Variants in SUCLG2 observed in about 807,000 individuals in gnomAD.
SUCLG2 encodes succinate-CoA ligase GDP-forming subunit beta.
In SUCLG2, 42 loss-of-function variants were observed where a neutral mutation model predicts 47.9. The observed-to-expected ratio is 0.88, with a 90% CI of 0.69 to 1.14. The LOEUF (loss-of-function observed/expected upper bound fraction) is 1.14, where lower values mean the gene tolerates loss of function less well. Ranked by LOEUF, SUCLG2 falls within the 50% of genes most tolerant of loss-of-function variation. The pLI, the probability that SUCLG2 is intolerant of heterozygous loss-of-function variation, is 0.00. For synonymous variants in SUCLG2, 195 were observed against 197.3 expected, an observed-to-expected ratio of 0.99 and a Z score of 0.10; for missense variants, 571 against 525.9, an observed-to-expected ratio of 1.09 and a Z score of -0.84.
At chr3:67,588,169 T>G (rs1467787549) in intron 2 of SUCLG2, among the ~76,000 whole-genome samples, 1 of 152,306 alleles carries the variant, frequency 6.6e-6, no homozygotes, top group East Asian at 1.9e-4. Flanking sequence ...ACACATCTGG[T>G]TACTGTTGAA....
intron 9 of SUCLG2, among the ~76,000 whole-genome samples, chr3:67,401,586 A>C (rs948192387): frequency 6.6e-6 from 1 of 152,024 alleles, no homozygotes; most frequent in Middle Eastern, 3.2e-3. Context: ...AAAAAAAAAA[A>C]AAAAACAAAC....
chr3:67,637,169 T>C (rs1249753689), intron 1 of SUCLG2, among the ~76,000 whole-genome samples: 1 of 152,134 alleles, frequency 6.6e-6, no homozygotes, highest in Non-Finnish European at 1.5e-5. Flanking sequence ...CTGAGTTTCT[T>C]CAATATGCCC....
chr3:67,416,822 G>C (rs1703049001), intron 9 of SUCLG2, among the ~76,000 whole-genome samples: 1 of 152,066 alleles, frequency 6.6e-6, no homozygotes, highest in Non-Finnish European at 1.5e-5. Context: ...ATAGACTATT[G>C]AAAATTATTA....
intron 2 of SUCLG2, among the ~76,000 whole-genome samples, chr3:67,565,904 A>G (rs1272169045): frequency 1.3e-5 from 2 of 152,260 alleles, no homozygotes; most frequent in Non-Finnish European, 2.9e-5. Context: ...CACTGCTCAA[A>G]TTGGAAATGT....
At chr3:67,511,465 G>A (rs546903008) in intron 6 of SUCLG2, among the ~76,000 whole-genome samples, 2 of 152,250 alleles carry the variant, frequency 1.3e-5, no homozygotes, top group South Asian at 4.1e-4. Flanking sequence ...TAGTGAGTAA[G>A]TCTCACGAGA....
At chr3:67,487,460 A>G (rs12630694) in intron 9 of SUCLG2, among the ~76,000 whole-genome samples, 7,753 of 151,542 alleles carry the variant, frequency 0.051, 353 homozygotes, top group East Asian at 0.23. Flanking sequence ...CTGATGACAT[A>G]AATAAAACTG....
chr3:67,508,998 C>G, intron 6 of SUCLG2, 95 bp from the exon 7 acceptor site: 1 of 864,994 alleles, frequency 1.2e-6, no homozygotes, highest in Non-Finnish European at 1.8e-6. Context: ...CAAGTTATGT[C>G]TTTATTTTCA....
chr3:67,593,800 T>A (rs547222519), intron 2 of SUCLG2, among the ~76,000 whole-genome samples: 93 of 152,306 alleles, frequency 6.1e-4, no homozygotes, highest in Middle Eastern at 6.8e-3. Context: ...GAACTTTTTA[T>A]AAGATAGATA....
At chr3:67,608,207 T>C (rs1175981539) in intron 2 of SUCLG2, among the ~76,000 whole-genome samples, 2 of 152,120 alleles carry the variant, frequency 1.3e-5, no homozygotes, top group African/African-American at 4.8e-5. Flanking sequence ...GCTCTCCCCA[T>C]GTTCTAAGGG....
chr3:67,594,686 C>T (rs1391266826), intron 2 of SUCLG2, among the ~76,000 whole-genome samples: 1 of 152,138 alleles, frequency 6.6e-6, no homozygotes, highest in African/African-American at 2.4e-5. Flanking sequence ...TTAGTGGATA[C>T]CAATTGAATG....
At chr3:67,430,557 C>A (rs1260965180) in intron 9 of SUCLG2, among the ~76,000 whole-genome samples, 2 of 152,022 alleles carry the variant, frequency 1.3e-5, no homozygotes, top group East Asian at 1.9e-4. Context: ...GAAGCAAGAG[C>A]AAACACATTC....
chr3:67,444,247 C>T (rs1281138821), intron 9 of SUCLG2, among the ~76,000 whole-genome samples: 4 of 52,912 alleles, frequency 7.6e-5, no homozygotes, highest in Non-Finnish European at 1.7e-4. Context: ...AGTGAGGAGC[C>T]CCTCAGCCCG....
At chr3:67,382,756 C>T (rs920466044) in intron 10 of SUCLG2, among the ~76,000 whole-genome samples, 3 of 152,164 alleles carry the variant, frequency 2.0e-5, no homozygotes, top group African/African-American at 7.2e-5. Flanking sequence ...GTCGCTGTGG[C>T]ACAGACAGCA....
chr3:67,471,781 CA>C (rs1704611857), intron 9 of SUCLG2, among the ~76,000 whole-genome samples: 1 of 152,098 alleles, frequency 6.6e-6, no homozygotes, highest in South Asian at 2.1e-4. Context: ...ATCTCTTAAC[CA>C]AACCCAGCAG....
intron 2 of SUCLG2, among the ~76,000 whole-genome samples, chr3:67,541,459 T>G (rs1553657460): frequency 1.3e-5 from 2 of 151,908 alleles, no homozygotes; most frequent in African/African-American, 2.4e-5. Context: ...TCAATGAAGA[T>G]TACAGAAAAA....
chr3:67,384,594 AGGTGAAGACAAGAATCATCTTC>A (rs1250918626), intron 10 of SUCLG2, among the ~76,000 whole-genome samples: 2 of 152,256 alleles, frequency 1.3e-5, no homozygotes, highest in African/African-American at 4.8e-5. Context: ...CTAAAGGGTC[AGGTGAAGACAAGAATCATCTTC>A]ATCTGGTGTT....
intron 9 of SUCLG2, among the ~76,000 whole-genome samples, chr3:67,450,352 T>G (rs1488076926): frequency 6.6e-6 from 1 of 152,200 alleles, no homozygotes; most frequent in Non-Finnish European, 1.5e-5. Flanking sequence ...AAATGTACAA[T>G]AGTTTTATTA....
At chr3:67,557,837 G>C (rs1707201669) in intron 2 of SUCLG2, among the ~76,000 whole-genome samples, 1 of 152,156 alleles carries the variant, frequency 6.6e-6, no homozygotes, top group South Asian at 2.1e-4. Context: ...AGGCAAGTTT[G>C]GGCACCCCTG....
intron 2 of SUCLG2, among the ~76,000 whole-genome samples, chr3:67,578,070 G>C (rs1707788515): frequency 6.6e-6 from 1 of 151,808 alleles, no homozygotes; most frequent in South Asian, 2.1e-4. Context: ...TTTTATCTCT[G>C]ATTTGGTCAA....
Sources: allele counts gnomAD v4.1 joint callset (sites outside exome capture counted in the v4.1 genomes callset), GRCh38; gene constraint gnomAD v4.1.1; transcripts MANE v1.5; gene names NCBI Gene and HGNC (gene_info 2026-07-23, HGNC 2026-07-21).